Variants in ANO3 observed in about 807,000 individuals in gnomAD.
The protein encoded by ANO3 is anoctamin-3.
In ANO3, 99 loss-of-function variants were observed where a neutral mutation model predicts 144.8. The ratio of observed to expected loss-of-function variants is 0.68; its 90% CI spans 0.58 to 0.81. The LOEUF is 0.81. ANO3 is among the 30% of genes least tolerant of loss of function. ANO3 has a pLI of 0.00. For missense variants in ANO3, 905 were observed against 1,202.2 expected (o/e 0.75, Z 3.66); for synonymous variants, 414 against 392.6 (o/e 1.05, Z -0.64).
chr11:26,612,399 C>T (rs777522021), intron 17 of ANO3, among the ~76,000 whole-genome samples: 89 of 151,294 alleles, frequency 5.9e-4, no homozygotes, highest in Non-Finnish European at 1.0e-3. Context: ...TTTCCCTCCC[C>T]CTACAATTTA....
chr11:26,305,765 A>G (rs1054613559), upstream of ANO3, among the ~76,000 whole-genome samples: 5 of 152,206 alleles, frequency 3.3e-5, no homozygotes, highest in African/African-American at 7.2e-5. Flanking sequence ...TGAAATTGAT[A>G]TAGTTATACC....
chr11:26,597,709 G>A lies in ANO3; in HGVS notation c.1448-656G>A, dbSNP rs1851676935. ...ACAGATTTCTAAAACATATATGTGA[G>A]TTCTTAGTTGTGTCCACAAAGTCTT... On this transcript the variant is annotated intron_variant, in intron 14 of 26. Transcript: ENST00000256737. 2.6e-5 allele frequency among the ~76,000 whole-genome samples: 4 copies of A among 152,200 alleles called. No homozygotes were observed. In the South Asian group the frequency reaches 8.3e-4, roughly 32 times the overall value.
chr11:26,550,916 T>C (rs1193565390), intron 12 of ANO3, among the ~76,000 whole-genome samples: 1 of 152,000 alleles, frequency 6.6e-6, no homozygotes, highest in African/African-American at 2.4e-5. Context: ...TTTCCCCGCA[T>C]TCTCACCAAT....
At chr11:26,577,441 T>A (rs1453195895) in intron 14 of ANO3, among the ~76,000 whole-genome samples, 1 of 151,990 alleles carries the variant, frequency 6.6e-6, no homozygotes, top group African/African-American at 2.4e-5. Context: ...CAGATGCCTG[T>A]AATCCCAGCT....
chr11:26,654,821 T>G (rs1342084467), intron 24 of ANO3, among the ~76,000 whole-genome samples: 2 of 151,398 alleles, frequency 1.3e-5, no homozygotes, highest in Non-Finnish European at 3.0e-5. Flanking sequence ...TTGAATTTTA[T>G]AAAACATTTG....
intron 1 of ANO3, among the ~76,000 whole-genome samples, chr11:26,242,012 A>G (rs1852673652): frequency 6.6e-6 from 1 of 152,232 alleles, no homozygotes; most frequent in South Asian, 2.1e-4. Context: ...TAACATTTGA[A>G]GTGAGTTTCA....
intron 1 of ANO3, among the ~76,000 whole-genome samples, chr11:26,197,011 G>A (rs1341484368): frequency 1.3e-5 from 2 of 152,156 alleles, no homozygotes; most frequent in African/African-American, 2.4e-5. Flanking sequence ...AGCTATATAT[G>A]CTATGTGCTT....
chr11:26,254,842 C>A (rs1361782814), intron 1 of ANO3, among the ~76,000 whole-genome samples: 3 of 152,104 alleles, frequency 2.0e-5, no homozygotes, highest in Non-Finnish European at 4.4e-5. Context: ...TTATCATATT[C>A]CCGGCATTAC....
intron 1 of ANO3, among the ~76,000 whole-genome samples, chr11:26,345,319 C>T (rs1195099241): frequency 6.6e-6 from 1 of 152,202 alleles, no homozygotes; most frequent in African/African-American, 2.4e-5. Context: ...CTTTGAGAGG[C>T]TGAAGCGGGC....
chr11:26,571,585 TTCTAATACTTAAAGCAAAAACC>T (rs924020744), intron 14 of ANO3, among the ~76,000 whole-genome samples: 9 of 152,112 alleles, frequency 5.9e-5, no homozygotes, highest in African/African-American at 1.7e-4. Flanking sequence ...TCCAAAACTA[TTCTAATACTTAAAGCAAAAACC>T]TCTAATACTT....
Position 26,537,481 on chromosome 11 carries a change from T to G in ANO3, c.1032+20T>G. On this transcript the variant is annotated intron_variant, in intron 10 of 26. Transcript: ENST00000256737. ...CATGAGGTAATTTTGAAATACAGTT[T>G]CCGCTTTATAAACAAGGTTTTCATG... The G allele has an allele frequency of 6.2e-7, 1 of 1,603,492 alleles. No individual in the cohort carries two copies. The highest frequency in any genetic ancestry group is 8.5e-7 in the Non-Finnish European group (1 of 1,170,312).
At chr11:26,576,831 G>C (rs1179830143) in intron 14 of ANO3, among the ~76,000 whole-genome samples, 1 of 151,932 alleles carries the variant, frequency 6.6e-6, no homozygotes. Context: ...AGTAAATGCT[G>C]GATAAACTTA....
intron 1 of ANO3, among the ~76,000 whole-genome samples, chr11:26,200,320 T>A (rs544478593): frequency 1.3e-5 from 2 of 152,316 alleles, no homozygotes; most frequent in East Asian, 3.9e-4. Flanking sequence ...CTTCTGCCTC[T>A]TCTCTTAGAA....
intron 8 of ANO3, 73 bp downstream of exon 8, chr11:26,531,409 T>C: frequency 5.4e-6 from 8 of 1,477,874 alleles, no homozygotes; most frequent in Non-Finnish European, 6.3e-6. Context: ...TAAAAACACC[T>C]GGGACCATTT....
At chr11:26,464,256 ATTAAG>A (rs1165629498) in intron 4 of ANO3, among the ~76,000 whole-genome samples, 1 of 151,804 alleles carries the variant, frequency 6.6e-6, no homozygotes, top group Non-Finnish European at 1.5e-5. Context: ...TGGGCTAATA[ATTAAG>A]TTATCTTTGC....
At chr11:26,601,514 A>T (rs1012043606) in intron 17 of ANO3, among the ~76,000 whole-genome samples, 1 of 147,082 alleles carries the variant, frequency 6.8e-6, no homozygotes, top group Non-Finnish European at 1.5e-5. Context: ...CTCTTGACTC[A>T]TAATTTAAAG....
intron 1 of ANO3, among the ~76,000 whole-genome samples, chr11:26,255,977 T>C (rs780260058): frequency 6.6e-6 from 1 of 152,172 alleles, no homozygotes; most frequent in Non-Finnish European, 1.5e-5. Context: ...GGAATGATAT[T>C]CATTTTATTG....
At chr11:26,592,354 T>C (rs1022525384) in intron 14 of ANO3, among the ~76,000 whole-genome samples, 1 of 152,050 alleles carries the variant, frequency 6.6e-6, no homozygotes, top group African/African-American at 2.4e-5. Context: ...AGTGATATTG[T>C]ATGCCTAACA....
chr11:26,303,451 A>G (rs1412221189), intron 1 of ANO3, among the ~76,000 whole-genome samples: 1 of 152,220 alleles, frequency 6.6e-6, no homozygotes, highest in African/African-American at 2.4e-5. Flanking sequence ...GGAACAGAAA[A>G]CCAAGTACTT....
Sources: allele counts gnomAD v4.1 joint callset (sites outside exome capture counted in the v4.1 genomes callset), GRCh38; gene constraint gnomAD v4.1.1; transcripts MANE v1.5; gene names NCBI Gene and HGNC (gene_info 2026-07-23, HGNC 2026-07-21).